Variants in TLK2 observed in about 807,000 individuals in gnomAD.
TLK2 encodes the protein tousled like kinase 2.
Under a neutral mutation model 117.3 loss-of-function variants are expected in TLK2, and 6 were observed. The observed-to-expected ratio is 0.05, with a 90% CI of 0.03 to 0.10. The LOEUF (loss-of-function observed/expected upper bound fraction) is 0.10, where lower values mean the gene tolerates loss of function less well. TLK2 is among the 10% of genes least tolerant of loss of function. The pLI is 1.00. For synonymous variants in TLK2, 257 were observed against 316.7 expected, an observed-to-expected ratio of 0.81 and a Z score of 2.00; for missense variants, 299 against 901.2, an observed-to-expected ratio of 0.33 and a Z score of 8.56.
At chr17:62,497,143 A>G (rs1251776786) in intron 2 of TLK2, among the ~76,000 whole-genome samples, 2 of 151,832 alleles carry the variant, frequency 1.3e-5, no homozygotes, top group Non-Finnish European at 2.9e-5. Flanking sequence ...CTATAGTCCC[A>G]TCTGCATCTG....
chr17:62,482,403 T>C (rs989457380), intron 2 of TLK2, among the ~76,000 whole-genome samples: 9 of 151,946 alleles, frequency 5.9e-5, no homozygotes, highest in Non-Finnish European at 4.4e-5. Flanking sequence ...AATGGGCTTC[T>C]TTGATGGGTC....
intron 2 of TLK2, among the ~76,000 whole-genome samples, chr17:62,516,957 T>TGC (rs1456467966): frequency 6.6e-6 from 1 of 152,110 alleles, no homozygotes; most frequent in Non-Finnish European, 1.5e-5. Flanking sequence ...CAGGCTGGAG[T>TGC]GCGCTGGCAG....
At chr17:62,521,173 G>A (rs571157580) in intron 3 of TLK2, among the ~76,000 whole-genome samples, 1 of 152,204 alleles carries the variant, frequency 6.6e-6, no homozygotes, top group Non-Finnish European at 1.5e-5. Flanking sequence ...AGAAAAGATA[G>A]CACTGCTTAA....
At chr17:62,493,171 C>T (rs1256218866) in intron 2 of TLK2, among the ~76,000 whole-genome samples, 6 of 152,160 alleles carry the variant, frequency 3.9e-5, no homozygotes, top group African/African-American at 1.4e-4. Flanking sequence ...TCTGTTTTTC[C>T]ATCTCTGTGA....
rs8080051 is a variant in TLK2, at chr17:62,533,746, G to A, written c.364-2424G>A. ...CCCATCGCGGCCTCCCAAAGTGCTG[G>A]GATTACAGGCATGAGCCACTGTGCC... On this transcript the variant is annotated intron_variant, in intron 6 of 21. Coordinates refer to ENST00000346027, the MANE Select transcript of TLK2 (RefSeq NM_006852.6). 5.7e-3 allele frequency among the ~76,000 whole-genome samples: 865 copies of A among 152,062 alleles called. 7 individuals are homozygous for A. Among genetic ancestry groups the A allele is most frequent in the African/African-American group, 0.02 (825 of 41,468 alleles).
intron 3 of TLK2, 100 bp from the exon 4 acceptor site, chr17:62,522,104 A>G: frequency 1.6e-6 from 2 of 1,251,402 alleles, no homozygotes; most frequent in South Asian, 1.4e-5. Context: ...TGGGCCAGTT[A>G]TATCTGTTTA....
At chr17:62,525,493 G>A (rs1386207752) in intron 6 of TLK2, among the ~76,000 whole-genome samples, 1 of 149,716 alleles carries the variant, frequency 6.7e-6, no homozygotes, top group Non-Finnish European at 1.5e-5. Flanking sequence ...CTGTCACTCA[G>A]GCTAGAGTGC....
At chr17:62,476,852 T>C (rs542685084), upstream of TLK2, among the ~76,000 whole-genome samples, 5 of 151,444 alleles carry the variant, frequency 3.3e-5, no homozygotes, top group East Asian at 7.8e-4. Flanking sequence ...GAGGCTGAGA[T>C]GGGCGGATCA....
intron 15 of TLK2, among the ~76,000 whole-genome samples, chr17:62,580,736 A>C (rs140775619): frequency 6.6e-6 from 1 of 152,194 alleles, no homozygotes; most frequent in Non-Finnish European, 1.5e-5. Context: ...GAGGGATTCA[A>C]TATGTTTTAA....
chr17:62,513,179 C>G (rs1482346756), intron 2 of TLK2, among the ~76,000 whole-genome samples: 1 of 151,582 alleles, frequency 6.6e-6, no homozygotes, highest in Non-Finnish European at 1.5e-5. Flanking sequence ...CACACCCGGC[C>G]GAGTTAATAT....
chr17:62,548,439 A>G (rs1226700705), intron 7 of TLK2, among the ~76,000 whole-genome samples: 3 of 151,070 alleles, frequency 2.0e-5, no homozygotes, highest in Non-Finnish European at 4.4e-5. Flanking sequence ...GCACCACCAC[A>G]CCTGGCTAAT....
intron 7 of TLK2, among the ~76,000 whole-genome samples, chr17:62,543,227 GTTGGTCAC>G (rs2077663773): frequency 1.3e-5 from 2 of 152,284 alleles, no homozygotes; most frequent in South Asian, 4.1e-4. Context: ...TTTGGTGCCA[GTTGGTCAC>G]GGCTTTATCC....
chr17:62,492,240 C>G lies in TLK2; in HGVS notation c.81+11034C>G, dbSNP rs536697899. Among the ~76,000 whole-genome samples, 169 of 152,074 alleles carry G rather than the reference C, an allele frequency of 1.1e-3. 1 individual carries two copies. Among genetic ancestry groups the G allele is most frequent in the African/African-American group, 3.9e-3 (163 of 41,476 alleles). On this transcript the variant is annotated intron_variant, in intron 2 of 21. Coordinates refer to ENST00000346027, the MANE Select transcript of TLK2 (RefSeq NM_006852.6). ...TTTCCTTCATTTTGTATATATATAG[C>G]CTTTTGGGAACATGGGTTGCATACA...
chr17:62,498,945 C>T (rs906782415), intron 2 of TLK2, among the ~76,000 whole-genome samples: 7 of 152,166 alleles, frequency 4.6e-5, no homozygotes, highest in African/African-American at 1.7e-4. Context: ...TCTCTGCAGC[C>T]TCAACCTCCA....
chr17:62,542,722 G>A lies in TLK2; in HGVS notation c.531+6385G>A, dbSNP rs1390867674. On this transcript the variant is annotated intron_variant, in intron 7 of 21. Transcript: ENST00000346027. ...AGTTTAGATTGAAACAGTTCTGGTTGTCAAGGTCTACTGGATCTTTTTTTC... is the reference window on the plus strand; with the variant it reads ...AGTTTAGATTGAAACAGTTCTGGTTATCAAGGTCTACTGGATCTTTTTTTC... Among the ~76,000 whole-genome samples, 3 of 152,326 alleles carry A rather than the reference G, an allele frequency of 2.0e-5. No homozygotes were observed. In the East Asian group the frequency reaches 5.8e-4, roughly 29 times the overall value.
At chr17:62,567,176 G>T (rs2079863720) in intron 11 of TLK2, among the ~76,000 whole-genome samples, 1 of 152,166 alleles carries the variant, frequency 6.6e-6, no homozygotes. Flanking sequence ...GAGTCATGCA[G>T]TGAGCCGAGA....
upstream of TLK2, among the ~76,000 whole-genome samples, chr17:62,475,745 C>T (rs572660267): frequency 2.3e-4 from 35 of 151,658 alleles, no homozygotes; most frequent in East Asian, 1.4e-3. Flanking sequence ...CTGCAACCTC[C>T]GCCTCCTGGG....
At chr17:62,493,015 T>C (rs1186717272) in intron 2 of TLK2, among the ~76,000 whole-genome samples, 1 of 152,062 alleles carries the variant, frequency 6.6e-6, no homozygotes, top group Non-Finnish European at 1.5e-5. Context: ...AGAGAATCAC[T>C]TGAACCGGGA....
intron 9 of TLK2, among the ~76,000 whole-genome samples, chr17:62,556,586 C>T (rs2078883294): frequency 6.6e-6 from 1 of 152,186 alleles, no homozygotes; most frequent in East Asian, 1.9e-4. Flanking sequence ...CATTCTCTCT[C>T]TCTGTTTCTC....
Sources: gnomAD v4.1 joint callset for allele counts (sites outside exome capture counted in the v4.1 genomes callset) on GRCh38, gnomAD v4.1.1 for gene constraint, MANE v1.5 for transcripts, NCBI Gene and HGNC (gene_info 2026-07-23, HGNC 2026-07-21) for gene names.